LACTBL1: variants seen among roughly 807,000 people sequenced by gnomAD.
The protein encoded by LACTBL1 is beta-lactamase-like protein 1.
In LACTBL1, 29 loss-of-function variants were observed where a neutral mutation model predicts 39.6. The ratio of observed to expected loss-of-function variants is 0.73; its 90% CI spans 0.55 to 1.00. LACTBL1 has a LOEUF of 1.00. LACTBL1 is among the 50% of genes least tolerant of loss of function. The pLI is 0.00. For missense variants in LACTBL1, 711 were observed against 748.5 expected, an observed-to-expected ratio of 0.95 and a Z score of 0.59; for synonymous variants, 361 against 360.7, an observed-to-expected ratio of 1.00 and a Z score of -0.01.
chr1:22,959,972 G>T lies in LACTBL1; in HGVS notation c.287C>A (p.Ser96Tyr), dbSNP rs183436187. ...CATGGTGTACTCATTGGGGGCCCCAGAAGCCGGGTCTGAGCCATTCTTCTT... is the reference window on the plus strand; with the variant it reads ...CATGGTGTACTCATTGGGGGCCCCATAAGCCGGGTCTGAGCCATTCTTCTT... Residue 96 changes from serine to tyrosine, a missense_variant, in exon 3 of 6, where the codon TCT becomes TAT. By Grantham distance (144) the Ser-to-Tyr change is moderately radical (BLOSUM62 -2). Transcript: ENST00000426928. 77 of 1,551,154 alleles carry T rather than the reference G, an allele frequency of 5.0e-5. 1 individual carries two copies. In the African/African-American group the frequency reaches 9.3e-4, roughly 19 times the overall value.
chr1:22,953,746 A>G, exon 6 of LACTBL1: 1 of 1,385,392 alleles, frequency 7.2e-7, no homozygotes, highest in Non-Finnish European at 9.3e-7. Context: ...CCCGCCGCCC[A>G]GGAGCGCCAC....
At chr1:22,953,769 C>T (rs759928092) in exon 6 of LACTBL1, 292 of 1,479,538 alleles carry the variant, frequency 2.0e-4, no homozygotes, top group Non-Finnish European at 2.4e-4. Flanking sequence ...CCAGCTTGGC[C>T]AGGTCGGCGG....
At chr1:22,961,025 C>T (rs1640817173) in intron 2 of LACTBL1, among the ~76,000 whole-genome samples, 2 of 152,050 alleles carry the variant, frequency 1.3e-5, no homozygotes, top group Non-Finnish European at 2.9e-5. Context: ...AGCAGTCTTC[C>T]CACCTCAGCC....
intron 3 of LACTBL1, among the ~76,000 whole-genome samples, 192 bp from the exon 6 acceptor site, chr1:22,959,112 C>T (rs940382838): frequency 7.2e-5 from 11 of 152,154 alleles, no homozygotes; most frequent in Non-Finnish European, 1.3e-4. Flanking sequence ...AACCAGAAGC[C>T]GAGGGGCTGA....
chr1:22,963,168 C>T (rs1019863762), exon 2 of LACTBL1: 85 of 1,326,668 alleles, frequency 6.4e-5, no homozygotes, highest in Admixed American at 1.2e-4. Flanking sequence ...CTCAGGGTGC[C>T]GGGGACACAT....
chr1:22,957,253 A>G (rs1261847748), intron 4 of LACTBL1, among the ~76,000 whole-genome samples: 1 of 151,678 alleles, frequency 6.6e-6, no homozygotes, highest in East Asian at 1.9e-4. Context: ...TCATTTAGCC[A>G]CTCCCCTATT....
chr1:22,960,625 A>AAAC (rs1640812103), intron 2 of LACTBL1, among the ~76,000 whole-genome samples: 1 of 149,954 alleles, frequency 6.7e-6, no homozygotes, highest in Admixed American at 6.6e-5. Context: ...CTCAAAAAAA[A>AAAC]AAAAAAAAAA....
chr1:22,956,063 CAA>C (rs10582369), intron 4 of LACTBL1, among the ~76,000 whole-genome samples: 27,406 of 76,364 alleles, frequency 0.36, 3,676 homozygotes, highest in East Asian at 0.55. Context: ...AACTCCATCT[CAA>C]AAAAAAAAAA....
At chr1:22,959,331 G>A (rs141790234) in intron 3 of LACTBL1, among the ~76,000 whole-genome samples, 28 of 152,310 alleles carry the variant, frequency 1.8e-4, no homozygotes, top group African/African-American at 4.8e-4. Flanking sequence ...GCCTGTCTAC[G>A]TTCCTAGGAG....
chr1:22,967,778 T>A (rs1239326598), upstream of LACTBL1, among the ~76,000 whole-genome samples: 1 of 152,222 alleles, frequency 6.6e-6, no homozygotes, highest in Non-Finnish European at 1.5e-5. Flanking sequence ...ATATGCTATG[T>A]CCTTGCTTAT....
In LACTBL1 at chr1:22,958,878, G is replaced by GT. The variant is rs1557770836; in HGVS notation, c.359dup (p.Tyr120Ter). The change falls in exon 4 of 6, where the codon TAC (tyrosine) becomes TAAC (stop). Residue 120 changes from tyrosine to a stop codon, truncating the protein, a stop_gained and frameshift_variant. Coordinates refer to ENST00000426928, the Ensembl canonical transcript of LACTBL1. LOFTEE classifies it high-confidence loss of function. The stretch of plus-strand genomic sequence containing the variant: ...CCACGATGCCCTCCTCCCACAGACG[G>GT]TACAGCATGAGGACAGGAAAGATCT... 5.8e-6 allele frequency: 9 copies of GT among 1,550,458 alleles called. No individual in the cohort carries two copies. The Admixed American group carries it at 1.8e-4, about 30-fold the overall frequency.
the LACTBL1 span, among the ~76,000 whole-genome samples, chr1:22,972,716 C>T: frequency 2.0e-5 from 3 of 152,116 alleles, no homozygotes; most frequent in Non-Finnish European, 4.4e-5. Context: ...TCTTCCCCAC[C>T]CCCAGCCTGC....
chr1:22,967,997 C>T (rs572220128), upstream of LACTBL1, among the ~76,000 whole-genome samples: 1 of 152,280 alleles, frequency 6.6e-6, no homozygotes, highest in Non-Finnish European at 1.5e-5. Flanking sequence ...CCTGCTCTCC[C>T]CAAATGTAAC....
At chr1:22,957,672 CAG>C (rs1159537091) in intron 4 of LACTBL1, among the ~76,000 whole-genome samples, 4 of 77,878 alleles carry the variant, frequency 5.1e-5, no homozygotes, top group Non-Finnish European at 9.0e-5. Flanking sequence ...TTTTTTGAGA[CAG>C]AGTTTCTCTC....
At chr1:22,962,375 C>T (rs1034554914) in intron 2 of LACTBL1, among the ~76,000 whole-genome samples, 11 of 152,072 alleles carry the variant, frequency 7.2e-5, no homozygotes, top group African/African-American at 1.9e-4. Flanking sequence ...CACCATGCTG[C>T]GGCTCATATT....
chr1:22,953,673 C>T, exon 6 of LACTBL1: 1 of 1,274,328 alleles, frequency 7.8e-7, no homozygotes, highest in Non-Finnish European at 9.9e-7. Context: ...AGTAGGCGCC[C>T]GGGCAGGCCA....
upstream of LACTBL1, among the ~76,000 whole-genome samples, chr1:22,966,333 G>A (rs1425545726): frequency 6.6e-6 from 1 of 152,084 alleles, no homozygotes; most frequent in East Asian, 1.9e-4. Context: ...CGAGGAGATG[G>A]GTGTTAACCA....
At chr1:22,972,450 G>A in the LACTBL1 span, 21 of 985,104 alleles carry the variant, frequency 2.1e-5, no homozygotes, top group Non-Finnish European at 2.5e-5. Flanking sequence ...AGAGGAGGGG[G>A]ACAGAGAAAA....
chr1:22,964,779 A>T (rs1031167618), intron 1 of LACTBL1, among the ~76,000 whole-genome samples: 5 of 152,178 alleles, frequency 3.3e-5, no homozygotes, highest in Non-Finnish European at 7.4e-5. Flanking sequence ...TTTAATTGGC[A>T]AACAAAGGGC....
Sources: gnomAD v4.1 joint callset for allele counts (sites outside exome capture counted in the v4.1 genomes callset) on GRCh38, gnomAD v4.1.1 for gene constraint, MANE v1.5 for transcripts, NCBI Gene and HGNC (gene_info 2026-07-23, HGNC 2026-07-21) for gene names.